ELAPOR2: variants seen among roughly 807,000 people sequenced by gnomAD.
ELAPOR2 encodes the protein endosome-lysosome associated apoptosis and autophagy regulator family member 2, also known as endosome/lysosome-associated apoptosis and autophagy regulator family member 2.
A neutral mutation model predicts 120.7 loss-of-function variants in ELAPOR2; 89 were observed. That is an observed-to-expected ratio of 0.74 (90% confidence interval 0.62 to 0.88). The LOEUF is 0.88. Among genes scored for constraint, ELAPOR2 ranks in the 40% least tolerant of loss-of-function variants. ELAPOR2 has a pLI of 0.00. For synonymous variants in ELAPOR2, 444 were observed against 444.9 expected (o/e 1.00, Z 0.03); for missense variants, 1,134 against 1,251.6 (o/e 0.91, Z 1.42).
intron 1 of ELAPOR2, among the ~76,000 whole-genome samples, chr7:87,039,715 G>A (rs1794700286): frequency 6.6e-6 from 1 of 151,982 alleles, no homozygotes; most frequent in Admixed American, 6.5e-5. Flanking sequence ...ATCCCTTTAT[G>A]ATAAAAAAAA....
intron 3 of ELAPOR2, among the ~76,000 whole-genome samples, chr7:86,946,921 G>A (rs1391081175): frequency 5.3e-5 from 8 of 151,976 alleles, no homozygotes; most frequent in Non-Finnish European, 4.4e-5. Context: ...TCCTATTATC[G>A]AGAGATTAAA....
chr7:86,990,371 A>C (rs1259697566), intron 1 of ELAPOR2, among the ~76,000 whole-genome samples: 1 of 152,022 alleles, frequency 6.6e-6, no homozygotes, highest in East Asian at 1.9e-4. Context: ...TTAATGGGTT[A>C]TCATGGGAGT....
At chr7:87,026,306 T>A (rs17615745) in intron 1 of ELAPOR2, among the ~76,000 whole-genome samples, 1,601 of 152,204 alleles carry the variant, frequency 0.011, 8 homozygotes, top group Non-Finnish European at 0.016. Context: ...GAACTATCAC[T>A]AGGTTTTATC....
At chr7:87,054,961 A>T (rs184992058) in intron 1 of ELAPOR2, among the ~76,000 whole-genome samples, 230 of 152,304 alleles carry the variant, frequency 1.5e-3, no homozygotes, top group African/African-American at 5.1e-3. Context: ...AGCCATTGCT[A>T]CATGTCTCCT....
chr7:87,023,104 A>C (rs1161929058), intron 1 of ELAPOR2, among the ~76,000 whole-genome samples: 1 of 152,044 alleles, frequency 6.6e-6, no homozygotes, highest in Non-Finnish European at 1.5e-5. Context: ...TTTTGTTGCC[A>C]TTGCTTTTGG....
At chr7:86,968,311 T>A (rs1791990931) in intron 1 of ELAPOR2, among the ~76,000 whole-genome samples, 1 of 152,200 alleles carries the variant, frequency 6.6e-6, no homozygotes, top group East Asian at 1.9e-4. Context: ...AAGTAGATTA[T>A]TTCTCATACA....
Position 86,880,270 on chromosome 7 carries a change from T to C in ELAPOR2, c.*201A>G, listed in dbSNP as rs1284831637. On this transcript the variant is annotated 3_prime_UTR_variant, in exon 22 of 22. Coordinates refer to ENST00000450689, the MANE Select transcript of ELAPOR2 (RefSeq NM_001142749.3). ...TCATCTTCAGTTGAGACCCAAATCA[T>C]TTGCTTTCCTTTATTTGGCAAGGTA... The C allele has an allele frequency of 8.5e-6, 5 of 589,050 alleles. No individual in the cohort carries two copies. Among genetic ancestry groups the C allele is most frequent in the Admixed American group, 3.2e-5 (1 of 31,562 alleles). 36.5% of individuals were successfully genotyped at this position (589,050 alleles called of 1,614,324 possible). A position where few individuals can be genotyped will look rare whatever the true frequency, so the allele number is the denominator to read the frequency against.
In ELAPOR2 at chr7:86,881,651, C is replaced by T. The variant is rs544001757; in HGVS notation, c.3031-1121G>A. Among the ~76,000 whole-genome samples the T allele has an allele frequency of 1.1e-4, 17 of 152,144 alleles. No individual in the cohort carries two copies. In the East Asian group the frequency reaches 2.9e-3, roughly 26 times the overall value. On this transcript the variant is annotated intron_variant, in intron 21 of 21. Transcript: ENST00000450689. The stretch of plus-strand genomic sequence containing the variant: ...GATTACAGGCATGAGCCACTGCGCC[C>T]GACCACCTAATTTTTATATTTCTTT...
At chr7:86,914,574 T>C (rs909176275) in intron 13 of ELAPOR2, 149 bp downstream of exon 13, 2 of 520,560 alleles carry the variant, frequency 3.8e-6, no homozygotes, top group South Asian at 5.1e-5. Flanking sequence ...TATCATTTTA[T>C]ACCACTGAAT....
At chr7:87,024,391 G>T (rs552400417) in intron 1 of ELAPOR2, among the ~76,000 whole-genome samples, 1 of 152,276 alleles carries the variant, frequency 6.6e-6, no homozygotes, top group South Asian at 2.1e-4. Flanking sequence ...TATTGAACCA[G>T]CCTTGCATCC....
intron 18 of ELAPOR2, among the ~76,000 whole-genome samples, chr7:86,902,722 G>A (rs77453984): frequency 0.018 from 2,779 of 152,292 alleles, 71 homozygotes; most frequent in East Asian, 0.12. Flanking sequence ...ACCCTTTGCA[G>A]GGGGAGGAGT....
intron 21 of ELAPOR2, among the ~76,000 whole-genome samples, chr7:86,884,682 C>A (rs1799604181): frequency 6.6e-6 from 1 of 152,046 alleles, no homozygotes. Context: ...CAGAGACATG[C>A]ATCATCTACA....
chr7:86,938,296 G>GC (rs1790649478), intron 7 of ELAPOR2, 82 bp from the exon 8 acceptor site: 1 of 1,063,194 alleles, frequency 9.4e-7, no homozygotes, highest in Non-Finnish European at 1.4e-6. Flanking sequence ...AACAGAAAAA[G>GC]CAACTAAAAA....
chr7:86,911,854 G>A, intron 15 of ELAPOR2: 2 of 590,404 alleles, frequency 3.4e-6, no homozygotes, highest in South Asian at 2.0e-5. Flanking sequence ...TCAACTGACT[G>A]CATAAGTGAT....
At chr7:86,931,450 T>C (rs964781872) in intron 8 of ELAPOR2, among the ~76,000 whole-genome samples, 2 of 151,950 alleles carry the variant, frequency 1.3e-5, no homozygotes, top group African/African-American at 4.8e-5. Flanking sequence ...TTTGCTGTCT[T>C]TCCTTCTACC....
chr7:86,973,123 C>A (rs903689318), intron 1 of ELAPOR2, among the ~76,000 whole-genome samples: 1 of 152,088 alleles, frequency 6.6e-6, no homozygotes, highest in Non-Finnish European at 1.5e-5. Flanking sequence ...CTCTTGCCCA[C>A]ACCTACTACA....
chr7:87,058,105 C>G (rs1399540625), intron 1 of ELAPOR2, among the ~76,000 whole-genome samples: 1 of 152,224 alleles, frequency 6.6e-6, no homozygotes, highest in Non-Finnish European at 1.5e-5. Flanking sequence ...GCTGTGTGTT[C>G]GCACACAAGC....
chr7:86,969,637 A>C (rs1562949176), intron 1 of ELAPOR2, among the ~76,000 whole-genome samples: 1 of 152,160 alleles, frequency 6.6e-6, no homozygotes, highest in South Asian at 2.1e-4. Flanking sequence ...AAAAACATAA[A>C]TTTATAAGAA....
At chr7:86,976,608 AT>A (rs1428807921) in intron 1 of ELAPOR2, among the ~76,000 whole-genome samples, 2 of 152,198 alleles carry the variant, frequency 1.3e-5, no homozygotes, top group African/African-American at 4.8e-5. Context: ...TGAAAACTGA[AT>A]AGACACTGGA....
Sources: allele counts gnomAD v4.1 joint callset (sites outside exome capture counted in the v4.1 genomes callset), GRCh38; gene constraint gnomAD v4.1.1; transcripts MANE v1.5; gene names NCBI Gene and HGNC (gene_info 2026-07-23, HGNC 2026-07-21).